Variants in NDUFA10 observed in about 807,000 individuals in gnomAD.
NDUFA10 encodes NADH:ubiquinone oxidoreductase subunit A10.
A neutral mutation model predicts 47.8 loss-of-function variants in NDUFA10; 40 were observed. The ratio of observed to expected loss-of-function variants is 0.84; its 90% CI spans 0.65 to 1.09. The LOEUF is 1.09. Ranked by LOEUF, NDUFA10 falls within the 50% of genes least tolerant of loss-of-function variation. The pLI, the probability that NDUFA10 is intolerant of heterozygous loss-of-function variation, is 0.00. For missense variants in NDUFA10, 413 were observed against 451.1 expected (o/e 0.92, Z 0.76); for synonymous variants, 183 against 172.2 (o/e 1.06, Z -0.49).
At chr2:239,969,510 C>A in intron 9 of NDUFA10, 1 of 377,462 alleles carries the variant, frequency 2.6e-6, no homozygotes, top group Admixed American at 3.2e-5. Context: ...AGTGATGGAG[C>A]ACAGAAGAGC....
intron 9 of NDUFA10, among the ~76,000 whole-genome samples, chr2:239,962,210 T>TACACACACACACACACACACACAC (rs59356951): frequency 5.3e-5 from 8 of 149,544 alleles, no homozygotes; most frequent in African/African-American, 2.0e-4. Flanking sequence ...TCAATTTGTG[T>TACACACACACACACACACACACAC]ACACACACAC....
intron 5 of NDUFA10, chr2:240,014,519 G>A (rs2106487107): frequency 3.1e-6 from 2 of 636,446 alleles, no homozygotes; most frequent in East Asian, 6.3e-5. Context: ...GGACCGCAGA[G>A]CACTGGTGGG....
chr2:239,908,811 T>G (rs1574770149), intron 4 of NDUFA10, among the ~76,000 whole-genome samples: 1 of 152,184 alleles, frequency 6.6e-6, no homozygotes, highest in Non-Finnish European at 1.5e-5. Context: ...CCCATGGGGT[T>G]GCACACCACG....
chr2:239,953,464 T>C (rs1004371569), downstream of NDUFA10, among the ~76,000 whole-genome samples: 1 of 152,236 alleles, frequency 6.6e-6, no homozygotes, highest in Non-Finnish European at 1.5e-5. Flanking sequence ...TGCTCCGCGT[T>C]GATCTGGGCT....
At chr2:239,901,203 G>T (rs1001584652) in intron 4 of NDUFA10, among the ~76,000 whole-genome samples, 15 of 152,102 alleles carry the variant, frequency 9.9e-5, no homozygotes, top group Admixed American at 3.3e-4. Context: ...ACTCCGCCAT[G>T]CTCTACAAAT....
At chr2:239,926,258 G>A (rs763037402) in intron 4 of NDUFA10, among the ~76,000 whole-genome samples, 14 of 152,188 alleles carry the variant, frequency 9.2e-5, no homozygotes, top group Non-Finnish European at 1.5e-4. Context: ...CCTTCAATGG[G>A]TGAATGGTTA....
chr2:240,017,934 T>C, intron 4 of NDUFA10: 1 of 1,533,570 alleles, frequency 6.5e-7, no homozygotes, highest in East Asian at 2.4e-5. Flanking sequence ...TCAGTCAGAC[T>C]GTCCACCAGG....
intron 4 of NDUFA10, among the ~76,000 whole-genome samples, chr2:239,931,310 C>A (rs1694169728): frequency 6.6e-6 from 1 of 152,214 alleles, no homozygotes. Context: ...AGGCACCTCG[C>A]TCCAGCCCCT....
intron 8 of NDUFA10, among the ~76,000 whole-genome samples, chr2:239,992,977 G>A (rs1394868437): frequency 1.3e-5 from 2 of 152,096 alleles, no homozygotes; most frequent in Non-Finnish European, 2.9e-5. Flanking sequence ...TTGAGAAATG[G>A]TACTCAAATG....
chr2:239,973,435 A>G (rs1695380272), intron 9 of NDUFA10: 1 of 447,848 alleles, frequency 2.2e-6, no homozygotes, highest in South Asian at 1.7e-5. Flanking sequence ...CTCTGTTTTA[A>G]AAAATGGTAA....
chr2:239,985,351 A>G (rs1695956820), intron 9 of NDUFA10, among the ~76,000 whole-genome samples: 1 of 152,206 alleles, frequency 6.6e-6, no homozygotes, highest in Non-Finnish European at 1.5e-5. Context: ...AAAACAAACC[A>G]GGATGAAAAT....
intron 4 of NDUFA10, among the ~76,000 whole-genome samples, chr2:239,930,000 CAA>C (rs1694136378): frequency 7.8e-6 from 1 of 128,190 alleles, no homozygotes. Context: ...TCCTGCTTCT[CAA>C]CTGCCCCTGC....
At chr2:239,912,531 C>A (rs1693772878) in intron 4 of NDUFA10, among the ~76,000 whole-genome samples, 1 of 152,168 alleles carries the variant, frequency 6.6e-6, no homozygotes, top group Non-Finnish European at 1.5e-5. Context: ...GGCAGAATGC[C>A]CTTGATGCAA....
intron 5 of NDUFA10, chr2:240,013,451 T>C (rs569208869): frequency 6.6e-6 from 1 of 152,374 alleles, no homozygotes; most frequent in East Asian, 1.9e-4. Context: ...TTTTTCTCAA[T>C]AAATGTCAGC....
At chr2:239,973,175 C>A (rs1695369747) in intron 9 of NDUFA10, among the ~76,000 whole-genome samples, 1 of 152,186 alleles carries the variant, frequency 6.6e-6, no homozygotes, top group African/African-American at 2.4e-5. Context: ...GGAGAGAACA[C>A]TGAAGGCATT....
chr2:240,014,455 GCCCTCACCAGCCT>G, intron 5 of NDUFA10: 1 of 462,890 alleles, frequency 2.2e-6, no homozygotes, highest in Non-Finnish European at 4.0e-6. Flanking sequence ...CTGCCAGGAG[GCCCTCACCAGCCT>G]CCCAAGTTTA....
chr2:239,961,111 G>T lies in NDUFA10; in HGVS notation c.*7C>A. Reference sequence around the variant, plus strand: ...CTGTGATGCAGCTGGAGCAGAAGGCGGCCCGTTCACTTCAGCCAGATCCAC... The same window carrying T: ...CTGTGATGCAGCTGGAGCAGAAGGCTGCCCGTTCACTTCAGCCAGATCCAC... On this transcript the variant is annotated 3_prime_UTR_variant, in exon 10 of 10. Transcript: ENST00000252711. 6.2e-7 allele frequency: 1 copy of T among 1,614,148 alleles called. No individual in the cohort carries two copies. Among genetic ancestry groups the T allele is most frequent in the Non-Finnish European group, 8.5e-7 (1 of 1,180,030 alleles).
At chr2:239,943,685 C>A (rs1162869358) in intron 4 of NDUFA10, among the ~76,000 whole-genome samples, 1 of 152,028 alleles carries the variant, frequency 6.6e-6, no homozygotes, top group East Asian at 1.9e-4. Context: ...AAGAATGTGC[C>A]TGATTTGGGA....
chr2:239,971,250 C>A (rs1695294321), intron 9 of NDUFA10, among the ~76,000 whole-genome samples: 1 of 152,204 alleles, frequency 6.6e-6, no homozygotes, highest in South Asian at 2.1e-4. Context: ...GCCAAAGAAA[C>A]CTCCTGAACA....
Sources: gnomAD v4.1 joint callset for allele counts (sites outside exome capture counted in the v4.1 genomes callset) on GRCh38, gnomAD v4.1.1 for gene constraint, MANE v1.5 for transcripts, NCBI Gene and HGNC (gene_info 2026-07-23, HGNC 2026-07-21) for gene names.